The following ADISSP variants were observed in gnomAD, a reference collection of about 807,000 sequenced individuals.
The protein encoded by ADISSP is adipose secreted signaling protein, also known as adipose-secreted signaling protein.
chr20:3,754,364 TCCCTCCTCCAA>T, the ADISSP span: 12 of 1,599,824 alleles, frequency 7.5e-6, no homozygotes, highest in Non-Finnish European at 1.0e-5. Context: ...AGCTTGTGCA[TCCCTCCTCCAA>T]CCAGGAGCCT....
At chr20:3,759,747 C>T in the ADISSP span, among the ~76,000 whole-genome samples, 1 of 152,120 alleles carries the variant, frequency 6.6e-6, no homozygotes, top group Admixed American at 6.5e-5. The surrounding 1 kb of genome is among the most constrained non-coding windows in gnomAD (Gnocchi z 4.6). Context: ...CCTGCTGTGG[C>T]CCTCCCACAT....
chr20:3,755,745 A>C, the ADISSP span: 3 of 664,174 alleles, frequency 4.5e-6, no homozygotes, highest in Admixed American at 2.8e-5. Flanking sequence ...TCCCTCCATC[A>C]CTCCAGCTGA....
chr20:3,755,350 C>A, the ADISSP span: 2 of 921,606 alleles, frequency 2.2e-6, no homozygotes, highest in Admixed American at 1.9e-5. Flanking sequence ...TGCAAGCTCA[C>A]AAAGAGGTGC....
chr20:3,765,063 G>A, the ADISSP span, among the ~76,000 whole-genome samples: 1 of 152,250 alleles, frequency 6.6e-6, no homozygotes, highest in Non-Finnish European at 1.5e-5. Flanking sequence ...CTGAGGGCCT[G>A]TAACCCTCTG....
At chr20:3,759,282 G>C in the ADISSP span, among the ~76,000 whole-genome samples, 3 of 152,208 alleles carry the variant, frequency 2.0e-5, no homozygotes, top group Non-Finnish European at 2.9e-5. This position sits in a 1 kb window ranked among gnomAD's most constrained non-coding sequence, Gnocchi z 4.6. Context: ...CAAGAAGAGA[G>C]AATCCAAGGA....
chr20:3,763,943 C>T, the ADISSP span, among the ~76,000 whole-genome samples: 1 of 152,188 alleles, frequency 6.6e-6, no homozygotes, highest in South Asian at 2.1e-4. Flanking sequence ...CCAGGAGCCC[C>T]CTTTGGCCAA....
At chr20:3,754,597 C>T in the ADISSP span, 1 of 1,476,012 alleles carries the variant, frequency 6.8e-7, no homozygotes, top group Non-Finnish European at 9.4e-7. Flanking sequence ...CGGGCCCCTA[C>T]CCACCACCAT....
the ADISSP span, among the ~76,000 whole-genome samples, chr20:3,764,093 C>A: frequency 6.6e-6 from 1 of 152,224 alleles, no homozygotes; most frequent in Non-Finnish European, 1.5e-5. Context: ...CTCAGCTTGT[C>A]CCCAGGGAAC....
At chr20:3,763,523 C>CTCTAA in the ADISSP span, among the ~76,000 whole-genome samples, 34 of 144,822 alleles carry the variant, frequency 2.3e-4, no homozygotes, top group Admixed American at 2.3e-3. Context: ...CGCCACTGCA[C>CTCTAA]TCTAGCCTGG....
the ADISSP span, chr20:3,753,618 A>T: frequency 3.9e-3 from 788 of 202,436 alleles, 8 homozygotes; most frequent in African/African-American, 0.017. Flanking sequence ...CCTCCCTCCT[A>T]CTCATGGTGG....
the ADISSP span, among the ~76,000 whole-genome samples, chr20:3,757,026 A>AAAACAAATAAATAAAT: frequency 4.6e-5 from 7 of 150,924 alleles, no homozygotes; most frequent in Non-Finnish European, 1.0e-4. Flanking sequence ...TGTTTTCAGA[A>AAAACAAATAAATAAAT]AAATAAATAA....
the ADISSP span, among the ~76,000 whole-genome samples, chr20:3,759,806 C>G: frequency 6.6e-6 from 1 of 152,198 alleles, no homozygotes; most frequent in South Asian, 2.1e-4. This position sits in a 1 kb window ranked among gnomAD's most constrained non-coding sequence, Gnocchi z 4.6. Context: ...CCAACCCCCA[C>G]AGTGGAACGG....
chr20:3,754,153 G>A, the ADISSP span: 6 of 1,610,754 alleles, frequency 3.7e-6, no homozygotes, highest in Admixed American at 1.0e-4. Context: ...GTGCCGTGGT[G>A]CCGGTCTGCA....
At chr20:3,760,125 C>A in the ADISSP span, 1 of 1,587,282 alleles carries the variant, frequency 6.3e-7, no homozygotes, top group South Asian at 1.1e-5. Flanking sequence ...CCACGCAGCT[C>A]CTGCCAGACA....
the ADISSP span, among the ~76,000 whole-genome samples, chr20:3,765,376 C>T: frequency 1.1e-4 from 17 of 152,324 alleles, no homozygotes; most frequent in South Asian, 2.7e-3. Flanking sequence ...CCAGAGGCAG[C>T]AGTCCTGGTT....
chr20:3,757,026 A>AAAATAAAT, the ADISSP span, among the ~76,000 whole-genome samples: 25 of 151,038 alleles, frequency 1.7e-4, no homozygotes, highest in South Asian at 6.3e-4. Context: ...TGTTTTCAGA[A>AAAATAAAT]AAATAAATAA....
chr20:3,754,379 G>C, the ADISSP span: 1 of 1,607,952 alleles, frequency 6.2e-7, no homozygotes, highest in Non-Finnish European at 8.5e-7. Flanking sequence ...CCTCCAACCA[G>C]GAGCCTCACG....
the ADISSP span, among the ~76,000 whole-genome samples, chr20:3,765,583 C>T: frequency 6.6e-6 from 1 of 152,216 alleles, no homozygotes; most frequent in South Asian, 2.1e-4. Context: ...TCTAAAGCAA[C>T]AGCAGTTTCA....
chr20:3,759,232 G>A, the ADISSP span, among the ~76,000 whole-genome samples: 5 of 152,106 alleles, frequency 3.3e-5, no homozygotes, highest in East Asian at 1.9e-4. The surrounding 1 kb of genome is among the most constrained non-coding windows in gnomAD (Gnocchi z 4.6). Context: ...CCACCTGGGC[G>A]AGGCTGCAGC....
Sources: gnomAD v4.1 joint callset for allele counts (sites outside exome capture counted in the v4.1 genomes callset) on GRCh38, gnomAD v4.1.1 for gene constraint, Gnocchi (gnomAD v3.1) non-coding constraint, MANE v1.5 for transcripts, NCBI Gene and HGNC (gene_info 2026-07-23, HGNC 2026-07-21) for gene names.